The following ATP2B2 variants were observed in gnomAD, a reference collection of about 807,000 sequenced individuals.
The protein encoded by ATP2B2 is plasma membrane calcium-transporting ATPase 2.
ATP2B2 carries 15 observed loss-of-function variants against 120.0 expected under a neutral mutation model. The observed-to-expected ratio is 0.12, with a 90% CI of 0.08 to 0.19. The LOEUF is 0.19. Ranked by LOEUF, ATP2B2 falls within the 10% of genes least tolerant of loss-of-function variation. The probability of loss-of-function intolerance (pLI) is 1.00; values close to 1 mark genes in which losing one functional copy is unlikely to be tolerated. For synonymous variants in ATP2B2, 694 were observed against 700.3 expected (o/e 0.99, Z 0.14); for missense variants, 1,045 against 1,719.8 (o/e 0.61, Z 6.94).
At chr3:10,455,111 T>C (rs1239271287) in intron 1 of ATP2B2, among the ~76,000 whole-genome samples, 1 of 152,224 alleles carries the variant, frequency 6.6e-6, no homozygotes, top group Non-Finnish European at 1.5e-5. Context: ...GTGGAAGCTG[T>C]GACTTTAGAT....
chr3:10,670,439 C>G (rs1399018366), intron 1 of ATP2B2, among the ~76,000 whole-genome samples: 4 of 152,112 alleles, frequency 2.6e-5, no homozygotes, highest in Non-Finnish European at 4.4e-5. Flanking sequence ...TTGTTTTAGA[C>G]AGAATTTCGC....
At chr3:10,544,491 T>A (rs1380082417) in intron 2 of ATP2B2, among the ~76,000 whole-genome samples, 1 of 152,216 alleles carries the variant, frequency 6.6e-6, no homozygotes, top group Non-Finnish European at 1.5e-5. Context: ...GAAAGAGAAC[T>A]GGAAATGGAC....
chr3:10,397,585 G>GA (rs1296662069), intron 5 of ATP2B2, among the ~76,000 whole-genome samples: 3 of 152,098 alleles, frequency 2.0e-5, no homozygotes, highest in African/African-American at 7.2e-5. Flanking sequence ...TGAGCAGATG[G>GA]AAAAAAGTTA....
At chr3:10,468,696 C>T (rs79653538) in intron 1 of ATP2B2, among the ~76,000 whole-genome samples, 1,570 of 152,302 alleles carry the variant, frequency 0.01, 29 homozygotes, top group African/African-American at 0.036. Flanking sequence ...GTCACTCAGA[C>T]GGTGCTGGGA....
intron 1 of ATP2B2, among the ~76,000 whole-genome samples, chr3:10,680,390 T>C (rs1255176919): frequency 6.6e-6 from 1 of 152,096 alleles, no homozygotes; most frequent in Non-Finnish European, 1.5e-5. Flanking sequence ...CCAATGTCTG[T>C]CTCTGTGGGA....
chr3:10,536,944 A>G (rs904620378), intron 2 of ATP2B2, among the ~76,000 whole-genome samples: 2 of 152,188 alleles, frequency 1.3e-5, no homozygotes, highest in African/African-American at 4.8e-5. Context: ...TATCATTTTC[A>G]TTATTTTTTC....
upstream of ATP2B2, among the ~76,000 whole-genome samples, chr3:10,509,846 C>A (rs963642659): frequency 6.6e-6 from 1 of 152,212 alleles, no homozygotes; most frequent in Non-Finnish European, 1.5e-5. Flanking sequence ...GTCCAACTCC[C>A]AGCTCTCTCA....
intron 2 of ATP2B2, among the ~76,000 whole-genome samples, chr3:10,591,913 C>T (rs1249167399): frequency 5.9e-5 from 9 of 152,116 alleles, no homozygotes; most frequent in African/African-American, 1.9e-4. Flanking sequence ...GGGACTGAGA[C>T]AAGATACCCA....
At chr3:10,563,125 C>A (rs2067938774) in intron 2 of ATP2B2, among the ~76,000 whole-genome samples, 1 of 152,160 alleles carries the variant, frequency 6.6e-6, no homozygotes, top group Non-Finnish European at 1.5e-5. Flanking sequence ...ATATAGGTAA[C>A]TTATATTGAG....
At chr3:10,396,964 T>G (rs988444432) in intron 5 of ATP2B2, among the ~76,000 whole-genome samples, 4 of 152,192 alleles carry the variant, frequency 2.6e-5, no homozygotes, top group Non-Finnish European at 5.9e-5. Context: ...GGGAACCAAC[T>G]TATGTTGAGC....
intron 1 of ATP2B2, among the ~76,000 whole-genome samples, chr3:10,456,445 T>C (rs1030672424): frequency 6.6e-6 from 1 of 152,196 alleles, no homozygotes; most frequent in Non-Finnish European, 1.5e-5. Flanking sequence ...GCAGGGCTCT[T>C]AATCCTCTGT....
At chr3:10,449,245 A>T in intron 2 of ATP2B2, 100 bp downstream of exon 2, 1 of 1,329,640 alleles carries the variant, frequency 7.5e-7, no homozygotes, top group Non-Finnish European at 1.1e-6. Context: ...CCTTTCTCTG[A>T]CACATCCCTG....
At chr3:10,660,281 A>T (rs1295871040) in intron 1 of ATP2B2, among the ~76,000 whole-genome samples, 1 of 152,190 alleles carries the variant, frequency 6.6e-6, no homozygotes, top group African/African-American at 2.4e-5. Context: ...GACACAAAAA[A>T]CCCTTCAAAA....
At chr3:10,485,893 G>A (rs1391006904) in intron 1 of ATP2B2, among the ~76,000 whole-genome samples, 1 of 152,150 alleles carries the variant, frequency 6.6e-6, no homozygotes, top group Non-Finnish European at 1.5e-5. Context: ...AACCCTGTGA[G>A]ATCCATGCTC....
In ATP2B2 at chr3:10,402,120, A is replaced by G. The variant is rs1486024532; in HGVS notation, c.626T>C (p.Val209Ala). Residue 209 changes from valine to alanine, a missense_variant, in exon 4 of 23, where the codon GTG becomes GCG. Transcript: ENST00000360273. The surrounding 1 kb of genome is among the most constrained non-coding windows in gnomAD (Gnocchi z 4.9). ...TTTGACCTGGGCTATGTCCCCAACCACGATCTCAGCCACAGGGATCTGGAC... is the reference window on the plus strand; with the variant it reads ...TTTGACCTGGGCTATGTCCCCAACCGCGATCTCAGCCACAGGGATCTGGAC... ...QVVQIPVAEIVVGDIAQVKYG... is the reference protein window; with the variant it reads ...QVVQIPVAEIAVGDIAQVKYG... The G allele has an allele frequency of 6.2e-7, 1 of 1,614,056 alleles. No homozygotes were observed.
intron 2 of ATP2B2, among the ~76,000 whole-genome samples, chr3:10,435,342 T>C (rs929707): frequency 0.25 from 38,395 of 151,960 alleles, 6,902 homozygotes; most frequent in African/African-American, 0.5. Flanking sequence ...GAGGTTCTCA[T>C]TGAGGGGGTG....
intron 2 of ATP2B2, among the ~76,000 whole-genome samples, chr3:10,564,396 T>G (rs1245611768): frequency 6.6e-5 from 10 of 152,172 alleles, no homozygotes; most frequent in African/African-American, 1.2e-4. Context: ...CAGCTAAGTC[T>G]GCTCCACCGG....
intron 8 of ATP2B2, among the ~76,000 whole-genome samples, chr3:10,379,848 A>G (rs116843287): frequency 1.8e-3 from 268 of 152,156 alleles, no homozygotes; most frequent in East Asian, 0.015. Context: ...ACTGAGGTCA[A>G]TGTGTTCCTT....
At chr3:10,389,132 C>T (rs2124880727) in intron 5 of ATP2B2, among the ~76,000 whole-genome samples, 1 of 152,370 alleles carries the variant, frequency 6.6e-6, no homozygotes, top group South Asian at 2.1e-4. Flanking sequence ...ATTTCTCAAA[C>T]TGGGTTCCAA....
Sources: allele counts gnomAD v4.1 joint callset (sites outside exome capture counted in the v4.1 genomes callset), GRCh38; gene constraint gnomAD v4.1.1; non-coding constraint Gnocchi (gnomAD v3.1); transcripts MANE v1.5; gene names NCBI Gene and HGNC (gene_info 2026-07-23, HGNC 2026-07-21).